Variants in CAPN13 observed in about 807,000 individuals in gnomAD.
CAPN13 encodes calpain-13.
CAPN13 carries 90 observed loss-of-function variants against 98.4 expected under a neutral mutation model. The ratio of observed to expected loss-of-function variants is 0.92; its 90% confidence interval spans 0.77 to 1.09. The LOEUF (loss-of-function observed/expected upper bound fraction) is 1.09, where lower values mean the gene tolerates loss of function less well. Among genes scored for constraint, CAPN13 ranks in the 50% least tolerant of loss-of-function variants. The pLI, the probability that CAPN13 is intolerant of heterozygous loss-of-function variation, is 0.00. For synonymous variants in CAPN13, 330 were observed against 305.5 expected (o/e 1.08, Z -0.84); for missense variants, 887 against 841.3 (o/e 1.05, Z -0.67).
At chr2:30,789,595 A>C (rs1674500470) in intron 1 of CAPN13, among the ~76,000 whole-genome samples, 3 of 152,216 alleles carry the variant, frequency 2.0e-5, no homozygotes, top group Non-Finnish European at 2.9e-5. Flanking sequence ...GACTGGCCAG[A>C]CTTTAGGAAT....
intron 21 of CAPN13, 55 bp from the exon 22 acceptor site, chr2:30,730,841 A>G (rs1452963646): frequency 1.3e-6 from 1 of 779,422 alleles, no homozygotes; most frequent in African/African-American, 1.7e-5. Flanking sequence ...AGCTTAATAC[A>G]GAGCAGGGCA....
At chr2:30,733,331 T>C (rs1039791482) in intron 19 of CAPN13, among the ~76,000 whole-genome samples, 1 of 26,224 alleles carries the variant, frequency 3.8e-5, no homozygotes, top group East Asian at 7.3e-4. Context: ...ATAAGCCAGG[T>C]CCTGTTCTCA....
chr2:30,746,615 C>T, intron 11 of CAPN13: 1 of 198,958 alleles, frequency 5.0e-6, no homozygotes, highest in East Asian at 1.3e-4. Flanking sequence ...ATTTGGTGAT[C>T]TGCTGGGTGT....
At chr2:30,768,476 G>A (rs1245427769) in intron 5 of CAPN13, among the ~76,000 whole-genome samples, 1 of 152,152 alleles carries the variant, frequency 6.6e-6, no homozygotes, top group Non-Finnish European at 1.5e-5. Flanking sequence ...CAGAGCAGAA[G>A]CCACAGCAGC....
chr2:30,751,084 C>G lies in CAPN13; in HGVS notation c.1236+19G>C, dbSNP rs1050412148. ...CACTAAATTTCTACAAGGGAAAGCC[C>G]TGAAGCAGGCTGCCTTACCAGAATC... On this transcript the variant is annotated intron_variant, in intron 11 of 22. Coordinates refer to ENST00000295055, the MANE Select transcript of CAPN13 (RefSeq NM_144575.3). 2.5e-6 allele frequency: 4 copies of G among 1,612,174 alleles called. No homozygotes were observed. The highest frequency in any genetic ancestry group is 1.3e-5 in the African/African-American group (1 of 74,892).
chr2:30,768,985 C>T (rs1183210926), intron 5 of CAPN13, among the ~76,000 whole-genome samples: 5 of 151,956 alleles, frequency 3.3e-5, no homozygotes, highest in African/African-American at 1.2e-4. Flanking sequence ...GAAGGACAAC[C>T]TGACAATACT....
At chr2:30,749,024 A>C (rs1446878624) in intron 11 of CAPN13, among the ~76,000 whole-genome samples, 2 of 152,160 alleles carry the variant, frequency 1.3e-5, no homozygotes, top group African/African-American at 4.8e-5. Context: ...TTCTGGTATC[A>C]AACACCCCTG....
intron 4 of CAPN13, among the ~76,000 whole-genome samples, chr2:30,774,121 A>T (rs185849132): frequency 1.1e-3 from 172 of 152,280 alleles, no homozygotes; most frequent in African/African-American, 3.6e-3. Context: ...TACAAAAACT[A>T]AAAATGTATT....
At chr2:30,775,094 G>A (rs1300110786) in intron 4 of CAPN13, among the ~76,000 whole-genome samples, 1 of 152,140 alleles carries the variant, frequency 6.6e-6, no homozygotes, top group Non-Finnish European at 1.5e-5. Context: ...AATATTATTA[G>A]ATAACTAAAC....
At chr2:30,800,958 T>C (rs1675234658) in intron 1 of CAPN13, among the ~76,000 whole-genome samples, 1 of 152,184 alleles carries the variant, frequency 6.6e-6, no homozygotes, top group African/African-American at 2.4e-5. Context: ...CCCAGCATGG[T>C]TTTTTTCTTT....
Position 30,760,872 on chromosome 2 carries a change from A to C in CAPN13, c.774+2210T>G, listed in dbSNP as rs182348543. ...ATGCTTCTTCACTCCCTGGCCTCTG[A>C]CTCTGCCTCTGACCCTGCTCAGTGC... On this transcript the variant is annotated intron_variant, in intron 7 of 22. Coordinates refer to ENST00000295055, the MANE Select transcript of CAPN13 (RefSeq NM_144575.3). Among the ~76,000 whole-genome samples, 62 of 152,078 alleles carry C rather than the reference A, an allele frequency of 4.1e-4. 1 individual carries two copies. Among genetic ancestry groups the C allele is most frequent in the Admixed American group, 3.5e-3 (54 of 15,282 alleles).
At chr2:30,748,398 C>G (rs765716) in intron 11 of CAPN13, among the ~76,000 whole-genome samples, 18,565 of 152,210 alleles carry the variant, frequency 0.12, 1,553 homozygotes, top group Non-Finnish European at 0.19. Flanking sequence ...CTTGGAAGGA[C>G]AGCTCACAAC....
intron 11 of CAPN13, among the ~76,000 whole-genome samples, chr2:30,747,437 C>G (rs114533225): frequency 6.6e-6 from 1 of 152,176 alleles, no homozygotes. Flanking sequence ...ACCTCTTAGC[C>G]GACTTCTCTG....
chr2:30,766,049 C>T (rs12992088), intron 5 of CAPN13, among the ~76,000 whole-genome samples: 8,024 of 152,254 alleles, frequency 0.053, 272 homozygotes, highest in Non-Finnish European at 0.073. Flanking sequence ...GGCTCCTGTT[C>T]CAGTTACCAG....
At chr2:30,782,313 T>C (rs946355077) in intron 2 of CAPN13, among the ~76,000 whole-genome samples, 1 of 152,216 alleles carries the variant, frequency 6.6e-6, no homozygotes, top group African/African-American at 2.4e-5. Flanking sequence ...TTCGGCCTTT[T>C]CACATGGTGG....
chr2:30,752,621 G>T (rs1237806788), intron 10 of CAPN13, among the ~76,000 whole-genome samples: 1 of 152,222 alleles, frequency 6.6e-6, no homozygotes, highest in Admixed American at 6.5e-5. Flanking sequence ...GAGTCTTGGG[G>T]AGGCTGAGGA....
chr2:30,793,929 G>A (rs951099878), intron 1 of CAPN13, among the ~76,000 whole-genome samples: 1 of 151,540 alleles, frequency 6.6e-6, no homozygotes, highest in East Asian at 1.9e-4. Flanking sequence ...CAAAAACCAA[G>A]TCAAAATGAT....
At chr2:30,740,308 T>A (rs1190205023) in intron 15 of CAPN13, among the ~76,000 whole-genome samples, 1 of 152,116 alleles carries the variant, frequency 6.6e-6, no homozygotes, top group South Asian at 2.1e-4. Context: ...CTGGCCAGGC[T>A]GGTCTCGAAT....
rs188375082 is a variant in CAPN13, at chr2:30,750,681, A to T, written c.1236+422T>A. Among the ~76,000 whole-genome samples the T allele has an allele frequency of 3.3e-5, 5 of 152,328 alleles. No individual in the cohort carries two copies. In the East Asian group the frequency reaches 9.6e-4, roughly 29 times the overall value. The stretch of plus-strand genomic sequence containing the variant: ...TTCCAAAGTTTAGCCAATGATTCTC[A>T]AACTTTAATGTGCATAAGCCTCTGG... On this transcript the variant is annotated intron_variant, in intron 11 of 22. Transcript: ENST00000295055.
Sources: gnomAD v4.1 joint callset for allele counts (sites outside exome capture counted in the v4.1 genomes callset) on GRCh38, gnomAD v4.1.1 for gene constraint, MANE v1.5 for transcripts, NCBI Gene and HGNC (gene_info 2026-07-23, HGNC 2026-07-21) for gene names.